The following NLGN1 variants were observed in gnomAD, a reference collection of about 807,000 sequenced individuals.
NLGN1 encodes neuroligin-1.
A neutral mutation model predicts 65.5 loss-of-function variants in NLGN1; 12 were observed. The observed-to-expected ratio is 0.18, with a 90% CI of 0.12 to 0.30. NLGN1 has a LOEUF of 0.30. NLGN1 is among the 10% of genes least tolerant of loss of function. NLGN1 has a pLI of 1.00. For missense variants in NLGN1, 750 were observed against 1,007.1 expected (o/e 0.74, Z 3.46); for synonymous variants, 350 against 359.5 (o/e 0.97, Z 0.30).
chr3:174,118,511 T>C (rs1392235746), intron 4 of NLGN1, among the ~76,000 whole-genome samples: 1 of 152,194 alleles, frequency 6.6e-6, no homozygotes, highest in Non-Finnish European at 1.5e-5. Context: ...TATAACAATT[T>C]CAACATGTTG....
At chr3:173,422,427 C>T (rs531043412) in intron 1 of NLGN1, among the ~76,000 whole-genome samples, 3 of 152,272 alleles carry the variant, frequency 2.0e-5, no homozygotes, top group African/African-American at 7.2e-5. Flanking sequence ...CTATGAATAG[C>T]ACTACAATAA....
At chr3:174,121,255 C>A (rs188932400) in intron 4 of NLGN1, among the ~76,000 whole-genome samples, 43 of 152,252 alleles carry the variant, frequency 2.8e-4, no homozygotes, top group Non-Finnish European at 4.7e-4. Flanking sequence ...TGTCTGAGAG[C>A]CACTTGACCT....
intron 2 of NLGN1, among the ~76,000 whole-genome samples, chr3:173,485,582 C>G (rs1323536756): frequency 9.2e-5 from 14 of 152,092 alleles, no homozygotes; most frequent in Admixed American, 9.2e-4. Context: ...CATGGTTTCT[C>G]TCTTAATATT....
intron 4 of NLGN1, among the ~76,000 whole-genome samples, chr3:173,829,425 A>G (rs1722014912): frequency 6.6e-6 from 1 of 152,152 alleles, no homozygotes; most frequent in Non-Finnish European, 1.5e-5. Flanking sequence ...TTGATAAATA[A>G]AAATTCTATA....
At chr3:173,919,696 T>C (rs1033365837) in intron 4 of NLGN1, among the ~76,000 whole-genome samples, 1 of 152,184 alleles carries the variant, frequency 6.6e-6, no homozygotes, top group Non-Finnish European at 1.5e-5. Context: ...ATTTAAGGAT[T>C]TCTATATTAT....
chr3:174,116,323 G>T (rs62290311), intron 4 of NLGN1, among the ~76,000 whole-genome samples: 2 of 118,078 alleles, frequency 1.7e-5, no homozygotes, highest in Admixed American at 8.0e-5. Flanking sequence ...GTTTTTTTCT[G>T]GGTTTTCTTT....
intron 4 of NLGN1, among the ~76,000 whole-genome samples, chr3:174,100,648 G>A (rs1345392598): frequency 1.3e-5 from 2 of 151,846 alleles, no homozygotes; most frequent in Non-Finnish European, 2.9e-5. Flanking sequence ...CTTCTCTTAA[G>A]CCACCAGGCT....
intron 4 of NLGN1, among the ~76,000 whole-genome samples, chr3:174,048,560 T>G (rs752189427): frequency 6.6e-6 from 1 of 151,732 alleles, no homozygotes; most frequent in Non-Finnish European, 1.5e-5. Flanking sequence ...CCGTGCTACA[T>G]ATCAAAGATT....
chr3:174,062,636 A>C (rs1223522023), intron 4 of NLGN1, among the ~76,000 whole-genome samples: 1 of 152,068 alleles, frequency 6.6e-6, no homozygotes, highest in Non-Finnish European at 1.5e-5. Flanking sequence ...TGTCATATAT[A>C]TCATTCACTC....
chr3:173,768,739 A>G (rs1178316550), intron 3 of NLGN1, among the ~76,000 whole-genome samples: 2 of 152,206 alleles, frequency 1.3e-5, no homozygotes, highest in East Asian at 3.9e-4. Flanking sequence ...CTAAATTATT[A>G]TCAAAAGTAA....
At chr3:174,152,248 T>C (rs1313900507) in intron 4 of NLGN1, among the ~76,000 whole-genome samples, 1 of 152,164 alleles carries the variant, frequency 6.6e-6, no homozygotes, top group East Asian at 1.9e-4. Context: ...TATGTCTATA[T>C]CTATATGTCT....
chr3:174,065,544 A>G (rs1272811022), intron 4 of NLGN1, among the ~76,000 whole-genome samples: 2 of 152,140 alleles, frequency 1.3e-5, no homozygotes, highest in African/African-American at 2.4e-5. Context: ...TGAATTCCTC[A>G]GTGTAGTGTC....
rs560988784 is a variant in NLGN1, at chr3:174,160,919, C to G, written c.647-114396C>G. 4.0e-5 allele frequency among the ~76,000 whole-genome samples: 6 copies of G among 151,590 alleles called. No homozygotes were observed. The South Asian group carries it at 1.2e-3, about 31-fold the overall frequency. ...TGTACCCATGAACCATACCCACCTC[C>G]TGCCCTCAACCCCTCTACTACTCTG... On this transcript the variant is annotated intron_variant, in intron 4 of 6. Coordinates refer to ENST00000457714, the Ensembl canonical transcript of NLGN1.
intron 4 of NLGN1, among the ~76,000 whole-genome samples, chr3:174,044,965 A>T (rs1199293261): frequency 1.3e-5 from 2 of 152,062 alleles, no homozygotes; most frequent in Non-Finnish European, 2.9e-5. Flanking sequence ...CACAATGATT[A>T]TAAGTTTCCT....
At chr3:173,529,966 CT>C (rs930436367) in intron 2 of NLGN1, among the ~76,000 whole-genome samples, 39 of 146,156 alleles carry the variant, frequency 2.7e-4, no homozygotes, top group Non-Finnish European at 3.2e-4. Flanking sequence ...CTTTCTTTTC[CT>C]TTTTTTTTTA....
chr3:174,265,546 G>C (rs925695194), intron 4 of NLGN1, among the ~76,000 whole-genome samples: 3 of 151,694 alleles, frequency 2.0e-5, no homozygotes, highest in Admixed American at 6.6e-5. Context: ...GCTCGCACAC[G>C]GTGCGCGCAC....
At chr3:173,695,336 G>A (rs975422968) in intron 3 of NLGN1, among the ~76,000 whole-genome samples, 2 of 152,006 alleles carry the variant, frequency 1.3e-5, no homozygotes, top group African/African-American at 4.8e-5. Context: ...TTGTTAATAG[G>A]TAGCTTGAAA....
At chr3:173,885,809 A>G (rs969819235) in intron 4 of NLGN1, among the ~76,000 whole-genome samples, 1 of 152,104 alleles carries the variant, frequency 6.6e-6, no homozygotes, top group African/African-American at 2.4e-5. Context: ...TTCAGCAAAT[A>G]TGAAAAACTG....
chr3:173,920,266 GGATTGAATGATTCATT>G (rs1345652739), intron 4 of NLGN1, among the ~76,000 whole-genome samples: 1 of 152,054 alleles, frequency 6.6e-6, no homozygotes, highest in Non-Finnish European at 1.5e-5. Context: ...GTGGCCCTTT[GGATTGAATGATTCATT>G]GACTCCTAAA....
Sources: allele counts gnomAD v4.1 joint callset (sites outside exome capture counted in the v4.1 genomes callset), GRCh38; gene constraint gnomAD v4.1.1; transcripts MANE v1.5; gene names NCBI Gene and HGNC (gene_info 2026-07-23, HGNC 2026-07-21).